The following LMF1 variants were observed in gnomAD, a reference collection of about 807,000 sequenced individuals.
The protein encoded by LMF1 is transmembrane protein 112.
Under a neutral mutation model 60.6 loss-of-function variants are expected in LMF1, and 68 were observed. The ratio of observed to expected loss-of-function variants is 1.12; its 90% CI spans 0.92 to 1.37. The LOEUF (loss-of-function observed/expected upper bound fraction) is 1.37. Ranked by LOEUF, LMF1 falls within the 40% of genes most tolerant of loss-of-function variation. The probability of loss-of-function intolerance (pLI) is 0.00; values close to 1 mark genes in which losing one functional copy is unlikely to be tolerated. For synonymous variants in LMF1, 418 were observed against 324.7 expected (o/e 1.29, Z -3.09); for missense variants, 948 against 767.2 (o/e 1.24, Z -2.78).
At chr16:911,125 A>G (rs770482390) in intron 3 of LMF1, 46 bp from the exon 4 acceptor site, 4 of 1,583,036 alleles carry the variant, frequency 2.5e-6, no homozygotes, top group Non-Finnish European at 2.6e-6. Context: ...GAAGCCACAC[A>G]TTTCACAAAG....
intron 3 of LMF1, among the ~76,000 whole-genome samples, chr16:914,730 C>T (rs1371083391): frequency 7.0e-5 from 6 of 85,740 alleles, no homozygotes; most frequent in East Asian, 4.2e-4. Flanking sequence ...TGACACTCTC[C>T]CTCCCTCCCC....
chr16:917,306 C>A (rs1302857585), intron 3 of LMF1, among the ~76,000 whole-genome samples: 2 of 103,086 alleles, frequency 1.9e-5, no homozygotes, highest in Admixed American at 2.1e-4. Flanking sequence ...CGGGCGGGCA[C>A]AGGCCCACGT....
In LMF1 at chr16:954,353, T is replaced by C; in HGVS notation, c.503+4A>G. 6.2e-7 allele frequency: 1 copy of C among 1,611,020 alleles called. No homozygotes were observed. The highest frequency in any genetic ancestry group is 8.5e-7 in the Non-Finnish European group (1 of 1,179,176). ...GCTCCGACCGCCCCATTCCTGCTAC[T>C]CACCAGACATGGCCCACATTAACCA... is the stretch of plus-strand genomic sequence containing the variant. On this transcript the variant is annotated splice_donor_region_variant and intron_variant, in intron 2 of 10. Transcript: ENST00000262301.
At chr16:879,155 C>G (rs1392844076) in intron 6 of LMF1, among the ~76,000 whole-genome samples, 1 of 152,148 alleles carries the variant, frequency 6.6e-6, no homozygotes, top group Non-Finnish European at 1.5e-5. Context: ...ACCCTGGCCT[C>G]TCTCAGACCC....
At chr16:890,267 C>T (rs970516896) in intron 5 of LMF1, among the ~76,000 whole-genome samples, 1 of 152,232 alleles carries the variant, frequency 6.6e-6, no homozygotes, top group African/African-American at 2.4e-5. Flanking sequence ...TCCAGGTACT[C>T]GCTCCTGGAG....
chr16:917,068 T>C (rs1353795037), intron 3 of LMF1, among the ~76,000 whole-genome samples: 1 of 152,174 alleles, frequency 6.6e-6, no homozygotes, highest in African/African-American at 2.4e-5. Context: ...TGCAAACTCA[T>C]CTTGAAGGCA....
At chr16:954,810 G>A (rs939238384) in intron 1 of LMF1, 144 bp from the exon 2 acceptor site, 9 of 723,040 alleles carry the variant, frequency 1.2e-5, no homozygotes, top group African/African-American at 1.8e-5. Flanking sequence ...CCTAGACTCA[G>A]GAGTCTGAGT....
At chr16:911,921 C>A (rs186948590) in intron 3 of LMF1, among the ~76,000 whole-genome samples, 14 of 152,268 alleles carry the variant, frequency 9.2e-5, no homozygotes, top group African/African-American at 3.4e-4. Flanking sequence ...CCAACGGATT[C>A]TTCGCACTGG....
In LMF1 at chr16:878,196, C is replaced by G. The variant is rs925092005; in HGVS notation, c.897+1374G>C. 6.6e-6 allele frequency among the ~76,000 whole-genome samples: 1 copy of G among 152,150 alleles called. No homozygotes were observed. Among genetic ancestry groups the G allele is most frequent in the African/African-American group, 2.4e-5 (1 of 41,422 alleles). On this transcript the variant is annotated intron_variant, in intron 6 of 10. Transcript: ENST00000262301. The surrounding 1 kb of genome is among the most constrained non-coding windows in gnomAD (Gnocchi z 5.2). ...CTGAAGCTATTCCAGGAGCCCTGAGCAGCTGCAGAGAGAAACGTGCGGTCC... is the reference window on the plus strand; with the variant it reads ...CTGAAGCTATTCCAGGAGCCCTGAGGAGCTGCAGAGAGAAACGTGCGGTCC...
chr16:979,070 G>A (rs1276362408), intron 1 of LMF1: 2 of 453,904 alleles, frequency 4.4e-6, no homozygotes, highest in Non-Finnish European at 4.4e-6. Flanking sequence ...CAGGGCAGGA[G>A]CTGTGAGGGT....
In LMF1 at chr16:917,676, G is replaced by A. The variant is rs376854562; in HGVS notation, c.515-6597C>T. Among the ~76,000 whole-genome samples, 858 of 152,308 alleles carry A rather than the reference G, an allele frequency of 5.6e-3. 11 individuals carry two copies. The highest frequency in any genetic ancestry group is 0.02 in the African/African-American group (821 of 41,566). On this transcript the variant is annotated intron_variant, in intron 3 of 10. Transcript: ENST00000262301. ...TCCCCTAAGAGACATGCCTGCCCCC[G>A]TACCGGGGCTGTTTGCAGGGGTGCT...
At chr16:916,271 G>A (rs1301036735) in intron 3 of LMF1, among the ~76,000 whole-genome samples, 13 of 152,152 alleles carry the variant, frequency 8.5e-5, no homozygotes, top group Admixed American at 6.5e-5. Flanking sequence ...CACCATCCAC[G>A]TTAGAAACAG....
At chr16:856,426 T>C (rs1167267071) in intron 10 of LMF1, among the ~76,000 whole-genome samples, 2 of 152,172 alleles carry the variant, frequency 1.3e-5, no homozygotes, top group African/African-American at 4.8e-5. Flanking sequence ...CTGCACACTC[T>C]CCTGGGCCTT....
chr16:864,646 A>ATATT (rs1412933911), intron 10 of LMF1, among the ~76,000 whole-genome samples: 1 of 150,922 alleles, frequency 6.6e-6, no homozygotes, highest in Non-Finnish European at 1.5e-5. Context: ...CATTATGCAT[A>ATATT]TATTTAAGTT....
intron 2 of LMF1, among the ~76,000 whole-genome samples, chr16:938,361 G>T (rs74004040): frequency 2.0e-5 from 3 of 150,966 alleles, no homozygotes; most frequent in African/African-American, 7.3e-5. Flanking sequence ...GCTGGACGGC[G>T]GCTCACAGGG....
At chr16:887,397 C>T (rs1237464425) in intron 5 of LMF1, among the ~76,000 whole-genome samples, 1 of 152,222 alleles carries the variant, frequency 6.6e-6, no homozygotes, top group Admixed American at 6.5e-5. Context: ...CCGGGCCAGG[C>T]TGAGCACTTC....
chr16:879,844 AG>A lies in LMF1; in HGVS notation c.730-108del, dbSNP rs10714803. 199,422 of 1,144,106 alleles carry A rather than the reference AG, an allele frequency of 0.17. 22,462 individuals are homozygous for A. Among genetic ancestry groups the A allele is most frequent in the East Asian group, 0.44 (16,995 of 38,380 alleles). 70.9% of individuals were successfully genotyped at this position (1,144,106 alleles called of 1,614,324 possible). ...CCTGACCCCGGCTCCTACTGCACAC[AG>A]GATCCCCCCGGCCCGCCTGGCCCTG... On this transcript the variant is annotated intron_variant, in intron 5 of 10. Coordinates refer to ENST00000262301, the MANE Select transcript of LMF1 (RefSeq NM_022773.4).
upstream of LMF1, chr16:975,910 A>AT (rs1226434399): frequency 6.7e-6 from 3 of 447,602 alleles, no homozygotes; most frequent in Non-Finnish European, 1.3e-5. Context: ...TTCAAGCACC[A>AT]TTTTCCCTCC....
intron 6 of LMF1, among the ~76,000 whole-genome samples, chr16:877,958 G>A (rs1357947883): frequency 1.3e-5 from 2 of 152,132 alleles, no homozygotes; most frequent in African/African-American, 4.8e-5. Flanking sequence ...TCACCTCAGA[G>A]CTGCAGCCTA....
Sources: gnomAD v4.1 joint callset for allele counts (sites outside exome capture counted in the v4.1 genomes callset) on GRCh38, gnomAD v4.1.1 for gene constraint, Gnocchi (gnomAD v3.1) non-coding constraint, MANE v1.5 for transcripts, NCBI Gene and HGNC (gene_info 2026-07-23, HGNC 2026-07-21) for gene names.